Variants in TBC1D4 observed in about 807,000 individuals in gnomAD.
The protein encoded by TBC1D4 is TBC1 domain family member 4.
A neutral mutation model predicts 142.5 loss-of-function variants in TBC1D4; 121 were observed. The ratio of observed to expected loss-of-function variants is 0.85; its 90% confidence interval spans 0.73 to 0.99. TBC1D4 has a LOEUF of 0.99. Among genes scored for constraint, TBC1D4 ranks in the 50% least tolerant of loss-of-function variants. TBC1D4 has a pLI of 0.00. For synonymous variants in TBC1D4, 630 were observed against 628.2 expected, an observed-to-expected ratio of 1.00 and a Z score of -0.04; for missense variants, 1,475 against 1,606.6, an observed-to-expected ratio of 0.92 and a Z score of 1.40.
intron 1 of TBC1D4, among the ~76,000 whole-genome samples, chr13:75,464,121 TC>T (rs1888076851): frequency 1.3e-5 from 2 of 152,222 alleles, no homozygotes; most frequent in African/African-American, 4.8e-5. Flanking sequence ...TTATAACAGT[TC>T]CAGTTTCTAA....
intron 7 of TBC1D4, among the ~76,000 whole-genome samples, chr13:75,340,603 A>G (rs1880604217): frequency 6.6e-6 from 1 of 152,206 alleles, no homozygotes; most frequent in Admixed American, 6.5e-5. Context: ...ATTCTTTTAC[A>G]TTTTAAGACC....
intron 1 of TBC1D4, among the ~76,000 whole-genome samples, chr13:75,379,180 G>A (rs183833970): frequency 7.9e-5 from 12 of 152,014 alleles, no homozygotes; most frequent in Admixed American, 6.6e-4. Context: ...AAAATCCAGA[G>A]AAGCGAAATG....
chr13:75,389,556 G>C (rs1332565709), intron 1 of TBC1D4, among the ~76,000 whole-genome samples: 2 of 151,972 alleles, frequency 1.3e-5, no homozygotes, highest in Admixed American at 1.3e-4. Context: ...ATTGGTTTTA[G>C]TTTTTGTTAT....
intron 19 of TBC1D4, among the ~76,000 whole-genome samples, chr13:75,289,510 T>G (rs967000711): frequency 6.6e-6 from 1 of 152,110 alleles, no homozygotes; most frequent in African/African-American, 2.4e-5. Context: ...GAGTAATTAT[T>G]ATGTTAGAGA....
intron 8 of TBC1D4, among the ~76,000 whole-genome samples, chr13:75,335,588 G>A (rs529245101): frequency 4.6e-5 from 7 of 152,206 alleles, no homozygotes; most frequent in Admixed American, 2.0e-4. Context: ...GGAGGTGACC[G>A]GATCACAGGG....
intron 1 of TBC1D4, among the ~76,000 whole-genome samples, chr13:75,372,814 T>A (rs1193378089): frequency 1.3e-5 from 2 of 152,160 alleles, no homozygotes; most frequent in East Asian, 3.8e-4. Flanking sequence ...GCAATAAAAT[T>A]AATAAGTTAA....
chr13:75,332,087 C>A (rs529674715), intron 8 of TBC1D4, among the ~76,000 whole-genome samples: 89 of 152,206 alleles, frequency 5.8e-4, no homozygotes, highest in African/African-American at 2.0e-3. Flanking sequence ...GTCATTACAG[C>A]AATTGAAGGC....
intron 1 of TBC1D4, among the ~76,000 whole-genome samples, chr13:75,365,858 T>C (rs949177313): frequency 6.6e-6 from 1 of 152,140 alleles, no homozygotes; most frequent in Non-Finnish European, 1.5e-5. Flanking sequence ...AACAGAGTCA[T>C]ATATATAGGA....
At chr13:75,422,062 G>A (rs189912770) in intron 1 of TBC1D4, among the ~76,000 whole-genome samples, 7 of 152,266 alleles carry the variant, frequency 4.6e-5, no homozygotes, top group Admixed American at 2.0e-4. Context: ...CCAAAGTGCC[G>A]AGATTACAGG....
rs893510526 is a variant in TBC1D4, at chr13:75,362,887, C to A, written c.499-280G>T. Reference sequence around the variant, plus strand: ...AACCATGAAACTATATAAGCCACTGCCAACCTATTATGTCATAATATGTCT... The same window carrying A: ...AACCATGAAACTATATAAGCCACTGACAACCTATTATGTCATAATATGTCT... On this transcript the variant is annotated intron_variant, in intron 1 of 20. Transcript: ENST00000377636. This position sits in a 1 kb window ranked among gnomAD's most constrained non-coding sequence, Gnocchi z 4.2. Among the ~76,000 whole-genome samples the A allele has an allele frequency of 5.3e-5, 8 of 152,144 alleles. No homozygotes were observed. The highest frequency in any genetic ancestry group is 1.9e-4 in the African/African-American group (8 of 41,430).
rs139346312 is a variant in TBC1D4, at chr13:75,299,711, T to A, written c.2912-137A>T. ...CAGTGAGAGTTGCTTAGAGTCACCA[T>A]GTAACTAAGAGTCTCTCCCTCTCTC... is the stretch of plus-strand genomic sequence containing the variant. On this transcript the variant is annotated intron_variant, in intron 16 of 20. Coordinates refer to ENST00000377636, the MANE Select transcript of TBC1D4 (RefSeq NM_014832.5). The A allele has an allele frequency of 1.4e-3, 1,567 of 1,096,434 alleles. 19 individuals are homozygous for A. In the African/African-American group the frequency reaches 0.021, roughly 15 times the overall value. 67.9% of individuals were successfully genotyped at this position (1,096,434 alleles called of 1,614,324 possible).
At position 75,286,768 on chromosome 13, in the gene TBC1D4, T is replaced by G; in HGVS notation, c.*24A>C. ...CTCTGTAGTATTCTAAGGAGCACTT[T>G]CTGCTGAGGCCGTGCCTCTTCAATT... On this transcript the variant is annotated 3_prime_UTR_variant, in exon 21 of 21. Transcript: ENST00000377636. The G allele has an allele frequency of 1.2e-6, 2 of 1,608,656 alleles. No individual in the cohort carries two copies. The highest frequency in any genetic ancestry group is 1.7e-6 in the Non-Finnish European group (2 of 1,176,510).
intron 14 of TBC1D4, among the ~76,000 whole-genome samples, chr13:75,307,608 A>T (rs1296608263): frequency 6.6e-6 from 1 of 152,190 alleles, no homozygotes; most frequent in African/African-American, 2.4e-5. Context: ...ATGCATCCCA[A>T]GTCCTCGACA....
intron 11 of TBC1D4, among the ~76,000 whole-genome samples, chr13:75,321,379 A>G (rs12875393): frequency 6.6e-6 from 1 of 152,126 alleles, no homozygotes; most frequent in Non-Finnish European, 1.5e-5. Context: ...GTAAACGGAC[A>G]CGATGCATGC....
At chr13:75,467,476 C>T (rs79938109) in intron 1 of TBC1D4, among the ~76,000 whole-genome samples, 7,660 of 152,156 alleles carry the variant, frequency 0.05, 376 homozygotes, top group East Asian at 0.23. Context: ...CTGTTTAGAA[C>T]TTATTACTGT....
chr13:75,437,552 G>A (rs375758852), intron 1 of TBC1D4, among the ~76,000 whole-genome samples: 1 of 151,638 alleles, frequency 6.6e-6, no homozygotes, highest in Admixed American at 6.6e-5. Flanking sequence ...CAGTGCAGTA[G>A]CAAAATTATT....
Position 75,285,899 on chromosome 13 carries a change from C to T in TBC1D4, c.*893G>A, listed in dbSNP as rs191537523. 6.6e-6 allele frequency: 1 copy of T among 152,056 alleles called. No individual in the cohort carries two copies. The highest frequency in any genetic ancestry group is 1.5e-5 in the Non-Finnish European group (1 of 67,938). The allele number at this position is 152,056 out of a possible 1,614,324, so 9.4% of individuals were successfully genotyped here. On this transcript the variant is annotated 3_prime_UTR_variant, in exon 21 of 21. Transcript: ENST00000377636. ...TCCTTGTCATTTGGTGACTGTGGCA[C>T]CAAATAAAGAGGAATTCATTCACAA...
chr13:75,355,573 G>C (rs1450592654), intron 4 of TBC1D4, among the ~76,000 whole-genome samples: 1 of 152,152 alleles, frequency 6.6e-6, no homozygotes, highest in Non-Finnish European at 1.5e-5. Context: ...GCAATGAAGG[G>C]GGGACATAAT....
chr13:75,403,551 C>T (rs1885198861), intron 1 of TBC1D4, among the ~76,000 whole-genome samples: 2 of 152,178 alleles, frequency 1.3e-5, no homozygotes. Context: ...CCAAAATACA[C>T]ATGCTGCTCC....
Sources: gnomAD v4.1 joint callset for allele counts (sites outside exome capture counted in the v4.1 genomes callset) on GRCh38, gnomAD v4.1.1 for gene constraint, Gnocchi (gnomAD v3.1) non-coding constraint, MANE v1.5 for transcripts, NCBI Gene and HGNC (gene_info 2026-07-23, HGNC 2026-07-21) for gene names.